The following CNTN4 variants were observed in gnomAD, a reference collection of about 807,000 sequenced individuals.
CNTN4 encodes contactin 4.
In CNTN4, 77 loss-of-function variants were observed where a neutral mutation model predicts 122.5. The observed-to-expected ratio is 0.63, with a 90% confidence interval of 0.52 to 0.76. CNTN4 has a LOEUF of 0.76. Ranked by LOEUF, CNTN4 falls within the 30% of genes least tolerant of loss-of-function variation. CNTN4 has a pLI of 0.00. For synonymous variants in CNTN4, 512 were observed against 447.0 expected (o/e 1.15, Z -1.83); for missense variants, 1,256 against 1,259.1 (o/e 1.00, Z 0.04).
intron 2 of CNTN4, among the ~76,000 whole-genome samples, chr3:2,247,702 A>G (rs2040209258): frequency 6.6e-6 from 1 of 152,024 alleles, no homozygotes; most frequent in Middle Eastern, 3.2e-3. Context: ...TTTGAGCGAC[A>G]GCAGTTATTC....
At chr3:2,881,413 T>C (rs1007678026) in intron 8 of CNTN4, among the ~76,000 whole-genome samples, 6 of 151,520 alleles carry the variant, frequency 4.0e-5, no homozygotes, top group Non-Finnish European at 7.4e-5. Context: ...CTTGGGAGGC[T>C]GAGGCACAAG....
intron 4 of CNTN4, among the ~76,000 whole-genome samples, chr3:2,626,807 C>T (rs928399414): frequency 1.1e-4 from 16 of 152,270 alleles, no homozygotes; most frequent in Middle Eastern, 3.4e-3. Context: ...GTCAACTGTA[C>T]TAGATGCTAG....
At chr3:2,122,102 C>G (rs1430716886) in intron 2 of CNTN4, among the ~76,000 whole-genome samples, 2 of 150,868 alleles carry the variant, frequency 1.3e-5, no homozygotes, top group Non-Finnish European at 2.9e-5. Flanking sequence ...TTGCAGTGAG[C>G]TGAGATTGCG....
chr3:2,339,309 T>C (rs905561384), intron 3 of CNTN4, 76 bp downstream of exon 3: 3 of 152,166 alleles, frequency 2.0e-5, no homozygotes, highest in Admixed American at 1.3e-4. Context: ...TATGGAAACA[T>C]TGAAAACCTT....
At chr3:2,810,035 C>T (rs1180056700) in intron 6 of CNTN4, among the ~76,000 whole-genome samples, 2 of 152,092 alleles carry the variant, frequency 1.3e-5, no homozygotes, top group Admixed American at 1.3e-4. Flanking sequence ...GGGTGAAAAA[C>T]TGTGAGAGTC....
chr3:3,039,338 G>A (rs1229145290), intron 19 of CNTN4: 3 of 246,456 alleles, frequency 1.2e-5, no homozygotes, highest in South Asian at 1.2e-4. Flanking sequence ...GATTTAAAAC[G>A]TCTGCCAGCA....
At chr3:2,244,959 A>G (rs191814500) in intron 2 of CNTN4, among the ~76,000 whole-genome samples, 1 of 152,236 alleles carries the variant, frequency 6.6e-6, no homozygotes, top group Admixed American at 6.5e-5. Context: ...TTCAATAACT[A>G]TGAGAAGGCT....
At chr3:2,717,568 T>A (rs2087573060) in intron 4 of CNTN4, among the ~76,000 whole-genome samples, 2 of 152,192 alleles carry the variant, frequency 1.3e-5, no homozygotes, top group African/African-American at 4.8e-5. Flanking sequence ...TATGATCTAA[T>A]AAGTCATAAC....
At chr3:2,692,970 T>G (rs2085824859) in intron 4 of CNTN4, among the ~76,000 whole-genome samples, 1 of 152,206 alleles carries the variant, frequency 6.6e-6, no homozygotes. Flanking sequence ...TCAAACCTAT[T>G]AAATTCAAAA....
chr3:2,871,426 C>T (rs1293419929), intron 8 of CNTN4, among the ~76,000 whole-genome samples: 1 of 152,118 alleles, frequency 6.6e-6, no homozygotes, highest in Non-Finnish European at 1.5e-5. Flanking sequence ...GAATAATACT[C>T]TCCAAAGTGA....
At chr3:2,606,614 T>C (rs896404216) in intron 4 of CNTN4, among the ~76,000 whole-genome samples, 2 of 152,218 alleles carry the variant, frequency 1.3e-5, no homozygotes, top group Non-Finnish European at 2.9e-5. Flanking sequence ...TTTTCTTATC[T>C]GAACACAATA....
chr3:2,469,326 A>G (rs565702158), intron 3 of CNTN4, among the ~76,000 whole-genome samples: 1 of 152,214 alleles, frequency 6.6e-6, no homozygotes, highest in Admixed American at 6.5e-5. Flanking sequence ...AAACAGTGAG[A>G]GATTCATTAA....
chr3:2,867,107 G>T (rs1446722302), intron 8 of CNTN4, among the ~76,000 whole-genome samples, 158 bp downstream of exon 8: 1 of 152,152 alleles, frequency 6.6e-6, no homozygotes, highest in Non-Finnish European at 1.5e-5. Context: ...CTCCACTTGT[G>T]TAAGAGATAA....
At chr3:2,129,036 A>G (rs2034317659) in intron 2 of CNTN4, among the ~76,000 whole-genome samples, 1 of 152,178 alleles carries the variant, frequency 6.6e-6, no homozygotes, top group African/African-American at 2.4e-5. Context: ...TTTCTATGGT[A>G]AAATATTTGG....
chr3:2,496,419 G>T (rs1575769187), intron 3 of CNTN4, among the ~76,000 whole-genome samples: 1 of 152,126 alleles, frequency 6.6e-6, no homozygotes, highest in Non-Finnish European at 1.5e-5. Flanking sequence ...GGAAACATAT[G>T]TAACAGTCTG....
At chr3:2,784,415 A>G (rs1362885342) in intron 6 of CNTN4, among the ~76,000 whole-genome samples, 3 of 152,194 alleles carry the variant, frequency 2.0e-5, no homozygotes, top group Non-Finnish European at 2.9e-5. Context: ...ATATAGGGAG[A>G]ATATAATTAG....
At chr3:2,377,423 G>A (rs1258553776) in intron 3 of CNTN4, among the ~76,000 whole-genome samples, 3 of 152,166 alleles carry the variant, frequency 2.0e-5, no homozygotes, top group Non-Finnish European at 4.4e-5. Context: ...CCACACACAG[G>A]TTGTTAAGTC....
intron 4 of CNTN4, among the ~76,000 whole-genome samples, chr3:2,589,097 A>G (rs1159757657): frequency 6.6e-6 from 1 of 152,180 alleles, no homozygotes; most frequent in African/African-American, 2.4e-5. Flanking sequence ...ATAGCATGCA[A>G]TGAGTGACAT....
chr3:2,401,001 A>G (rs2046837213), intron 3 of CNTN4, among the ~76,000 whole-genome samples: 2 of 152,040 alleles, frequency 1.3e-5, no homozygotes, highest in Non-Finnish European at 2.9e-5. Context: ...ATTTTTACAC[A>G]TAAATAATCA....
Sources: allele counts gnomAD v4.1 joint callset (sites outside exome capture counted in the v4.1 genomes callset), GRCh38; gene constraint gnomAD v4.1.1; transcripts MANE v1.5; gene names NCBI Gene and HGNC (gene_info 2026-07-23, HGNC 2026-07-21).